GPC6: variants seen among roughly 807,000 people sequenced by gnomAD.
The protein encoded by GPC6 is glypican 6, also known as glypican-6.
Under a neutral mutation model 55.2 loss-of-function variants are expected in GPC6, and 14 were observed. That is an observed-to-expected ratio of 0.25 (90% CI 0.17 to 0.40). GPC6 has a LOEUF of 0.40. Ranked by LOEUF, GPC6 falls within the 10% of genes least tolerant of loss-of-function variation. The probability of loss-of-function intolerance (pLI) is 1.00; values close to 1 mark genes in which losing one functional copy is unlikely to be tolerated. For missense variants in GPC6, 641 were observed against 708.5 expected (o/e 0.90, Z 1.08); for synonymous variants, 278 against 259.6 (o/e 1.07, Z -0.68).
At chr13:93,479,288 G>C (rs555471647) in intron 1 of GPC6, among the ~76,000 whole-genome samples, 7 of 152,122 alleles carry the variant, frequency 4.6e-5, no homozygotes, top group Non-Finnish European at 1.0e-4. Flanking sequence ...AGCTCGATTT[G>C]ACAATTGTAC....
intron 4 of GPC6, among the ~76,000 whole-genome samples, chr13:94,048,199 C>A (rs1883799650): frequency 6.6e-6 from 1 of 151,888 alleles, no homozygotes; most frequent in African/African-American, 2.4e-5. Context: ...AACCTTCAGG[C>A]ATAAGAATAC....
chr13:93,238,343 T>C (rs4773722), intron 1 of GPC6, among the ~76,000 whole-genome samples: 39,111 of 151,956 alleles, frequency 0.26, 5,143 homozygotes, highest in African/African-American at 0.32. Flanking sequence ...GCAGCTATTG[T>C]AAATGGGATG....
rs181963508 is a variant in GPC6 at position 93,331,196 on chromosome 13, T to C, written c.160+103580T>C. Among the ~76,000 whole-genome samples, 3 of 152,348 alleles carry C rather than the reference T, an allele frequency of 2.0e-5. No homozygotes were observed. In the East Asian group the frequency reaches 5.8e-4, roughly 29 times the overall value. ...CCTTTCTTCTCTCTTCCTCCTTTTT[T>C]CTTTCTTGCTAAAAATACTCATACT... On this transcript the variant is annotated intron_variant, in intron 1 of 8. Coordinates refer to ENST00000377047, the MANE Select transcript of GPC6 (RefSeq NM_005708.5).
chr13:93,490,310 C>G (rs374700266), intron 1 of GPC6, among the ~76,000 whole-genome samples: 197 of 151,366 alleles, frequency 1.3e-3, no homozygotes, highest in African/African-American at 4.7e-3. Flanking sequence ...ATTTTAGAGA[C>G]AAAGTACTAT....
intron 6 of GPC6, among the ~76,000 whole-genome samples, chr13:94,329,273 C>T (rs549882116): frequency 3.5e-4 from 54 of 152,152 alleles, no homozygotes; most frequent in African/African-American, 8.0e-4. Context: ...TTTGGCAAAA[C>T]GCTGGGTTCT....
chr13:94,227,965 G>GT (rs1430314330), intron 4 of GPC6, among the ~76,000 whole-genome samples: 2 of 151,996 alleles, frequency 1.3e-5, no homozygotes, highest in African/African-American at 4.8e-5. Flanking sequence ...GAGTGAGGAA[G>GT]TACAGTCCAA....
intron 1 of GPC6, among the ~76,000 whole-genome samples, chr13:93,359,017 G>A (rs1431760762): frequency 6.8e-6 from 1 of 146,974 alleles, no homozygotes; most frequent in African/African-American, 2.5e-5. Context: ...TGCCCAGGCT[G>A]GAGTGCAGTG....
At chr13:93,716,277 A>C (rs1446244003) in intron 2 of GPC6, among the ~76,000 whole-genome samples, 1 of 151,670 alleles carries the variant, frequency 6.6e-6, no homozygotes, top group Non-Finnish European at 1.5e-5. Flanking sequence ...AATAAAAGTT[A>C]CTTGTGAAGC....
intron 4 of GPC6, among the ~76,000 whole-genome samples, chr13:94,280,088 A>G (rs186858043): frequency 1.3e-4 from 20 of 152,240 alleles, no homozygotes; most frequent in Non-Finnish European, 2.4e-4. Context: ...GTTTCTTTGT[A>G]GGTCTCTAAG....
At position 93,583,353 on chromosome 13, in the gene GPC6, T is replaced by TGC. The variant is rs144068432; in HGVS notation, c.319+37942_319+37943dup. Among the ~76,000 whole-genome samples, 203 of 151,062 alleles carry TGC rather than the reference T, an allele frequency of 1.3e-3. 1 individual carries two copies. Among genetic ancestry groups the TGC allele is most frequent in the African/African-American group, 4.5e-3 (184 of 40,490 alleles). On this transcript the variant is annotated intron_variant, in intron 2 of 8. Transcript: ENST00000377047. ...GTAATGCACATTGTGTGTGTGTGTGTGCGCGCGCGCGTGCGTATGTGTGTG... is the reference window on the plus strand; with the variant it reads ...GTAATGCACATTGTGTGTGTGTGTGTGCGCGCGCGCGCGTGCGTATGTGTGTG...
intron 4 of GPC6, among the ~76,000 whole-genome samples, chr13:94,038,178 T>C (rs1883407975): frequency 2.0e-5 from 3 of 151,950 alleles, no homozygotes. Flanking sequence ...CATTGTGAAG[T>C]AATTACCACA....
chr13:93,490,037 TC>T lies in GPC6; in HGVS notation c.161-55225del, dbSNP rs375904496. Among the ~76,000 whole-genome samples the T allele has an allele frequency of 0.014, 2,116 of 151,454 alleles. 221 individuals are homozygous for T. The East Asian group carries it at 0.15, about 11-fold the overall frequency. On this transcript the variant is annotated intron_variant, in intron 1 of 8. Coordinates refer to ENST00000377047, the MANE Select transcript of GPC6 (RefSeq NM_005708.5). ...GGAGTGGTGAGAGAGGGCATCCCTG[TC>T]TTGTGCCAGTTTTCAAAGGGAATGC...
At chr13:93,795,187 T>C (rs1411690421) in intron 2 of GPC6, among the ~76,000 whole-genome samples, 2 of 152,160 alleles carry the variant, frequency 1.3e-5, no homozygotes, top group African/African-American at 4.8e-5. Flanking sequence ...GTTGTATATA[T>C]GTAGGGTAAA....
intron 4 of GPC6, among the ~76,000 whole-genome samples, chr13:94,048,611 G>GA (rs905441887): frequency 4.5e-4 from 66 of 145,780 alleles, no homozygotes; most frequent in African/African-American, 5.0e-4. Context: ...GTGGGGTTCA[G>GA]AAAAAAAAAA....
At chr13:93,915,522 A>G (rs768375213) in intron 3 of GPC6, among the ~76,000 whole-genome samples, 2 of 152,308 alleles carry the variant, frequency 1.3e-5, no homozygotes, top group Admixed American at 6.5e-5. Context: ...AATGAAACTC[A>G]TTATTTTATT....
At chr13:93,797,746 T>G (rs1886243375) in intron 2 of GPC6, among the ~76,000 whole-genome samples, 1 of 152,144 alleles carries the variant, frequency 6.6e-6, no homozygotes, top group South Asian at 2.1e-4. Context: ...CAGACCACAT[T>G]TTAAGTGTTA....
chr13:93,788,543 A>ACACACACACACACC (rs1395809809), intron 2 of GPC6, among the ~76,000 whole-genome samples: 1 of 150,702 alleles, frequency 6.6e-6, no homozygotes, highest in Admixed American at 6.6e-5. Context: ...ACACACACAC[A>ACACACACACACACC]CCTTGTCTGC....
chr13:93,575,115 G>A (rs566810657), intron 2 of GPC6, among the ~76,000 whole-genome samples: 8 of 152,166 alleles, frequency 5.3e-5, no homozygotes, highest in African/African-American at 1.4e-4. Context: ...GCAACACGGC[G>A]AAACCCTGTC....
In GPC6 at chr13:93,911,285, C is replaced by T. The variant is rs150602791; in HGVS notation, c.711+80740C>T. Among the ~76,000 whole-genome samples, 697 of 152,072 alleles carry T rather than the reference C, an allele frequency of 4.6e-3. 4 individuals carry two copies. The highest frequency in any genetic ancestry group is 0.015 in the African/African-American group (607 of 41,468). On this transcript the variant is annotated intron_variant, in intron 3 of 8. Coordinates refer to ENST00000377047, the MANE Select transcript of GPC6 (RefSeq NM_005708.5). ...TGTATCTGCCAGACCTAACAAGGACCGACAAGAGATAGCTATACCTTAAGA... is the reference window on the plus strand; with the variant it reads ...TGTATCTGCCAGACCTAACAAGGACTGACAAGAGATAGCTATACCTTAAGA...
Sources: allele counts gnomAD v4.1 joint callset (sites outside exome capture counted in the v4.1 genomes callset), GRCh38; gene constraint gnomAD v4.1.1; transcripts MANE v1.5; gene names NCBI Gene and HGNC (gene_info 2026-07-23, HGNC 2026-07-21).